ZNF730: variants seen among roughly 807,000 people sequenced by gnomAD.
ZNF730 encodes the protein zinc finger protein 730, also known as putative zinc finger protein 730.
Under a neutral mutation model 12.6 loss-of-function variants are expected in ZNF730, and 12 were observed. The ratio of observed to expected loss-of-function variants is 0.95; its 90% CI spans 0.61 to 1.54. ZNF730 has a LOEUF of 1.54. Among genes scored for constraint, ZNF730 ranks in the 40% most tolerant of loss-of-function variants. The probability of loss-of-function intolerance (pLI) is 0.00; values close to 1 mark genes in which losing one functional copy is unlikely to be tolerated. For missense variants in ZNF730, 643 were observed against 583.5 expected (o/e 1.10, Z -1.05); for synonymous variants, 194 against 195.8 (o/e 0.99, Z 0.08).
At chr19:23,093,897 G>T (rs1423476410) in intron 1 of ZNF730, among the ~76,000 whole-genome samples, 1 of 152,230 alleles carries the variant, frequency 6.6e-6, no homozygotes, top group African/African-American at 2.4e-5. Context: ...GACCCGCTGT[G>T]CCTCTGCCAG....
chr19:23,118,954 T>C (rs576352972), intron 1 of ZNF730, among the ~76,000 whole-genome samples: 1 of 152,346 alleles, frequency 6.6e-6, no homozygotes, highest in Admixed American at 6.5e-5. Flanking sequence ...CTGAGTTTAA[T>C]GCTAAATTTT....
intron 1 of ZNF730, chr19:23,125,639 A>T (rs890176672): frequency 1.3e-5 from 2 of 152,248 alleles, no homozygotes; most frequent in Admixed American, 1.3e-4. Flanking sequence ...CTGTTGAGCC[A>T]TGGATGCCAG....
At chr19:23,104,804 C>T (rs1970373583) in intron 1 of ZNF730, among the ~76,000 whole-genome samples, 1 of 152,122 alleles carries the variant, frequency 6.6e-6, no homozygotes, top group African/African-American at 2.4e-5. Flanking sequence ...TCCTTGTCTA[C>T]ACAGTCTCTG....
chr19:23,104,906 AT>A (rs1343914197), intron 1 of ZNF730, among the ~76,000 whole-genome samples: 1 of 152,142 alleles, frequency 6.6e-6, no homozygotes, highest in African/African-American at 2.4e-5. Context: ...AAAGGAAAGG[AT>A]TACCCAGCTC....
At chr19:23,102,654 C>T (rs893414475) in intron 1 of ZNF730, among the ~76,000 whole-genome samples, 1 of 152,030 alleles carries the variant, frequency 6.6e-6, no homozygotes, top group Non-Finnish European at 1.5e-5. Flanking sequence ...CACCACCAAT[C>T]CCGGCTAATT....
At chr19:23,120,967 T>A (rs1382241482) in intron 1 of ZNF730, among the ~76,000 whole-genome samples, 1 of 152,230 alleles carries the variant, frequency 6.6e-6, no homozygotes, top group Non-Finnish European at 1.5e-5. Context: ...CAAAAGTCAT[T>A]CACATGCAGA....
At chr19:23,127,304 T>C in intron 1 of ZNF730, 1 of 680,464 alleles carries the variant, frequency 1.5e-6, no homozygotes, top group East Asian at 2.7e-5. Flanking sequence ...CAAGAAGACA[T>C]GGAAATTTAA....
At chr19:23,096,973 T>C (rs1970262107) in intron 1 of ZNF730, among the ~76,000 whole-genome samples, 1 of 152,216 alleles carries the variant, frequency 6.6e-6, no homozygotes, top group Non-Finnish European at 1.5e-5. Context: ...GACCCTTTTA[T>C]TTTCCCGGTT....
At chr19:23,078,375 T>G (rs772308131) in intron 1 of ZNF730, among the ~76,000 whole-genome samples, 8 of 152,144 alleles carry the variant, frequency 5.3e-5, no homozygotes, top group Non-Finnish European at 1.2e-4. Flanking sequence ...AGGAGAAAAC[T>G]GCCTTAAGGC....
chr19:23,079,530 T>C (rs903746670), intron 1 of ZNF730, among the ~76,000 whole-genome samples: 2 of 152,236 alleles, frequency 1.3e-5, no homozygotes, highest in African/African-American at 2.4e-5. Flanking sequence ...AGTTTGAATA[T>C]ATATAATTTT....
intron 3 of ZNF730, among the ~76,000 whole-genome samples, chr19:23,136,361 A>T (rs905003778): frequency 6.6e-6 from 1 of 152,170 alleles, no homozygotes; most frequent in Non-Finnish European, 1.5e-5. Context: ...ACACACAGAT[A>T]TTTGAATAAT....
chr19:23,079,968 C>T (rs1247250742), intron 1 of ZNF730, among the ~76,000 whole-genome samples: 2 of 152,002 alleles, frequency 1.3e-5, no homozygotes, highest in Admixed American at 6.6e-5. Context: ...TATTTGGAGT[C>T]GAACTCTTGC....
intron 1 of ZNF730, among the ~76,000 whole-genome samples, chr19:23,083,699 TA>T (rs1483434176): frequency 6.6e-6 from 1 of 152,126 alleles, no homozygotes; most frequent in African/African-American, 2.4e-5. Flanking sequence ...AGCATCTTTT[TA>T]TGTACCTGTT....
intron 1 of ZNF730, among the ~76,000 whole-genome samples, chr19:23,106,968 C>T (rs897009394): frequency 3.3e-5 from 5 of 151,934 alleles, no homozygotes; most frequent in African/African-American, 7.3e-5. Flanking sequence ...TATACACACA[C>T]GCATAGTAAT....
intron 1 of ZNF730, among the ~76,000 whole-genome samples, chr19:23,082,842 C>T (rs1457937958): frequency 6.6e-6 from 1 of 152,058 alleles, no homozygotes; most frequent in East Asian, 1.9e-4. Context: ...GCCGGGATTA[C>T]AGGCATGTGC....
At chr19:23,129,392 G>T (rs532305662) in intron 1 of ZNF730, among the ~76,000 whole-genome samples, 50 of 152,218 alleles carry the variant, frequency 3.3e-4, no homozygotes, top group African/African-American at 1.2e-3. Flanking sequence ...TGCTCAAGAC[G>T]ATGGGAACCC....
chr19:23,135,240 A>T (rs1970811662), intron 2 of ZNF730, among the ~76,000 whole-genome samples: 2 of 125,238 alleles, frequency 1.6e-5, no homozygotes, highest in East Asian at 2.0e-4. Context: ...AAAAAAAAAA[A>T]AAAAAAAAAA....
Position 23,145,758 on chromosome 19 carries a change from C to G in ZNF730, c.714C>G (p.Asn238Lys), listed in dbSNP as rs759909135. The change falls in exon 4 of 4, where the codon AAC (asparagine) becomes AAG (lysine). Residue 238 changes from asparagine to lysine, a missense_variant. Transcript: ENST00000597761. ...YKCKECGKAF[N>K]WFSHFTTHKR... ...GTAAAGAATGTGGCAAAGCCTTTAA[C>G]TGGTTTTCACATTTTACTACACATA... 1.3e-6 allele frequency: 2 copies of G among 1,568,316 alleles called. No homozygotes were observed. The highest frequency in any genetic ancestry group is 4.7e-5 in the East Asian group (2 of 42,590).
intron 3 of ZNF730, among the ~76,000 whole-genome samples, chr19:23,145,042 C>T (rs1408172754): frequency 1.3e-5 from 2 of 152,108 alleles, no homozygotes; most frequent in Non-Finnish European, 2.9e-5. Flanking sequence ...CTTTTTTCCT[C>T]TATATAGCTC....
Sources: gnomAD v4.1 joint callset for allele counts (sites outside exome capture counted in the v4.1 genomes callset) on GRCh38, gnomAD v4.1.1 for gene constraint, MANE v1.5 for transcripts, NCBI Gene and HGNC (gene_info 2026-07-23, HGNC 2026-07-21) for gene names.